SYTL2: variants seen among roughly 807,000 people sequenced by gnomAD.
The protein encoded by SYTL2 is synaptotagmin like 2, also known as synaptotagmin-like protein 2.
A neutral mutation model predicts 198.7 loss-of-function variants in SYTL2; 165 were observed. The observed-to-expected ratio is 0.83, with a 90% CI of 0.73 to 0.94. The LOEUF (loss-of-function observed/expected upper bound fraction) is 0.94, where lower values mean the gene tolerates loss of function less well. Ranked by LOEUF, SYTL2 falls within the 40% of genes least tolerant of loss-of-function variation. SYTL2 has a pLI of 0.00. For synonymous variants in SYTL2, 966 were observed against 917.7 expected (o/e 1.05, Z -0.95); for missense variants, 2,835 against 2,582.8 (o/e 1.10, Z -2.12).
rs777411924 is a variant in SYTL2 at position 85,718,852 on chromosome 11, A to C, written c.5429-9T>G. The C allele has an allele frequency of 5.6e-6, 9 of 1,613,282 alleles. No individual in the cohort carries two copies. The South Asian group carries it at 8.8e-5, about 16-fold the overall frequency. Reference sequence around the variant, plus strand: ...ATCTACTTTTGCTTGATCTGTTCAGAAGAAATTAACAAATGGTTAACATGG... The same window carrying C: ...ATCTACTTTTGCTTGATCTGTTCAGCAGAAATTAACAAATGGTTAACATGG... On this transcript the variant is annotated splice_polypyrimidine_tract_variant and intron_variant, in intron 9 of 19. Coordinates refer to ENST00000359152, the MANE Select transcript of SYTL2 (RefSeq NM_206927.4).
At chr11:85,717,622 T>A (rs1219896200) in intron 10 of SYTL2, 92 bp from the exon 11 acceptor site, 3 of 1,042,326 alleles carry the variant, frequency 2.9e-6, no homozygotes, top group Non-Finnish European at 4.5e-6. Context: ...GTTTCACAAC[T>A]GAGACAGCAG....
the SYTL2 span, among the ~76,000 whole-genome samples, chr11:85,842,819 G>A: frequency 6.6e-6 from 1 of 152,218 alleles, no homozygotes; most frequent in African/African-American, 2.4e-5. Flanking sequence ...CAGGATAGCT[G>A]GGTAGGAAGC....
At chr11:85,786,252 G>T (rs563315513) in intron 1 of SYTL2, among the ~76,000 whole-genome samples, 22 of 152,314 alleles carry the variant, frequency 1.4e-4, no homozygotes, top group African/African-American at 5.3e-4. Flanking sequence ...AGGGATGGGG[G>T]CTGTGGAGGC....
At chr11:85,751,015 CTGT>C (rs2091479012) in intron 2 of SYTL2, among the ~76,000 whole-genome samples, 1 of 145,934 alleles carries the variant, frequency 6.9e-6, no homozygotes, top group Non-Finnish European at 1.5e-5. Context: ...GCCTAAATGA[CTGT>C]CTGTAAGCCC....
chr11:85,711,234 T>C lies in SYTL2; in HGVS notation c.5626-2A>G. On this transcript the variant is annotated splice_acceptor_variant, in intron 12 of 19. Transcript: ENST00000359152. LOFTEE classifies it high-confidence loss of function. The stretch of plus-strand genomic sequence containing the variant: ...TGTATCTGTTTCTCTGTCATCACTC[T>C]ACAAAACAGCATATAATATGCACAA... The C allele has an allele frequency of 5.6e-6, 9 of 1,613,278 alleles. No homozygotes were observed. The highest frequency in any genetic ancestry group is 6.8e-6 in the Non-Finnish European group (8 of 1,179,572).
At chr11:85,756,379 C>T (rs945370907) in intron 2 of SYTL2, among the ~76,000 whole-genome samples, 6 of 152,218 alleles carry the variant, frequency 3.9e-5, no homozygotes, top group Non-Finnish European at 7.3e-5. Flanking sequence ...TCCTACTTCA[C>T]ACCATGACAG....
chr11:85,785,652 T>C (rs2092624858), intron 1 of SYTL2, among the ~76,000 whole-genome samples: 1 of 152,202 alleles, frequency 6.6e-6, no homozygotes, highest in Non-Finnish European at 1.5e-5. Flanking sequence ...CCCCAAGTTT[T>C]AACTCTCAAG....
At chr11:85,719,074 A>G in intron 9 of SYTL2, 1 of 1,506,020 alleles carries the variant, frequency 6.6e-7, no homozygotes, top group Non-Finnish European at 8.9e-7. Flanking sequence ...ACTGCTGCAC[A>G]CAGACTCCCA....
intron 2 of SYTL2, among the ~76,000 whole-genome samples, chr11:85,750,184 G>A (rs2091430053): frequency 2.6e-5 from 4 of 152,072 alleles, no homozygotes; most frequent in African/African-American, 9.7e-5. Flanking sequence ...TCCTAGATGG[G>A]ATCTTGGACA....
chr11:85,753,690 A>G (rs1313263124), intron 2 of SYTL2, among the ~76,000 whole-genome samples: 2 of 150,288 alleles, frequency 1.3e-5, no homozygotes, highest in Non-Finnish European at 3.0e-5. Flanking sequence ...ACTTGAGCCC[A>G]GGAGTTGGAG....
At chr11:85,704,627 T>C (rs2084841306) in intron 16 of SYTL2, among the ~76,000 whole-genome samples, 1 of 152,168 alleles carries the variant, frequency 6.6e-6, no homozygotes, top group African/African-American at 2.4e-5. Context: ...CAGTATCAAA[T>C]TTCAAAGGAC....
In SYTL2 at chr11:85,727,850, C is replaced by T. The variant is rs375253029; in HGVS notation, c.1508G>A (p.Arg503His). 33 of 1,611,844 alleles carry T rather than the reference C, an allele frequency of 2.0e-5. No homozygotes were observed. The East Asian group carries it at 4.9e-4, about 24-fold the overall frequency. The part of the protein sequence containing the change: ...LPALKAKTSS[R>H]SGPYATEIKK... ...TATCTCAGTGGCATATGGACCAGAA[C>T]GTGAAGATGTCTTAGCTTTTAGAGC... The change falls in exon 8 of 20, where the codon CGT becomes CAT. Residue 503 changes from arginine (R) to histidine (H), a missense_variant. Coordinates refer to ENST00000359152, the MANE Select transcript of SYTL2 (RefSeq NM_206927.4).
chr11:85,717,120 GATCCAATACTCAAA>G (rs2087427179), intron 11 of SYTL2: 1 of 162,646 alleles, frequency 6.1e-6, no homozygotes, highest in Admixed American at 6.2e-5. Flanking sequence ...GGCCACAAGA[GATCCAATACTCAAA>G]ATCATACTGC....
At chr11:85,813,068 A>G (rs80223983), upstream of SYTL2, among the ~76,000 whole-genome samples, 4 of 152,122 alleles carry the variant, frequency 2.6e-5, no homozygotes, top group East Asian at 7.7e-4. Context: ...CGTCCCCTGG[A>G]AACAAATAGC....
intron 3 of SYTL2, 144 bp downstream of exon 3, chr11:85,748,128 G>A: frequency 1.0e-6 from 1 of 975,220 alleles, no homozygotes; most frequent in Non-Finnish European, 1.5e-6. Context: ...CAAGGCAAGG[G>A]AAATTTAAAC....
chr11:85,770,338 C>T (rs555939913), intron 1 of SYTL2, among the ~76,000 whole-genome samples: 1 of 152,294 alleles, frequency 6.6e-6, no homozygotes, highest in African/African-American at 2.4e-5. Context: ...TTGTCTACCA[C>T]TCATGTAGGC....
the SYTL2 span, among the ~76,000 whole-genome samples, chr11:85,836,226 T>C: frequency 1.3e-5 from 2 of 152,184 alleles, no homozygotes; most frequent in Admixed American, 6.5e-5. Context: ...CTCAAAATCA[T>C]TGTTTCTCTC....
At chr11:85,846,426 T>C in the SYTL2 span, among the ~76,000 whole-genome samples, 1 of 152,070 alleles carries the variant, frequency 6.6e-6, no homozygotes, top group African/African-American at 2.4e-5. Flanking sequence ...TGTTGTTGTT[T>C]CATTTCGTTT....
At chr11:85,777,058 C>T (rs988043069) in intron 1 of SYTL2, among the ~76,000 whole-genome samples, 6 of 152,158 alleles carry the variant, frequency 3.9e-5, no homozygotes, top group Non-Finnish European at 8.8e-5. Context: ...CAGCATAGTA[C>T]AGCTTTGGAG....
Sources: allele counts gnomAD v4.1 joint callset (sites outside exome capture counted in the v4.1 genomes callset), GRCh38; gene constraint gnomAD v4.1.1; transcripts MANE v1.5; gene names NCBI Gene and HGNC (gene_info 2026-07-23, HGNC 2026-07-21).